KDM1B: variants seen among roughly 807,000 people sequenced by gnomAD.
KDM1B encodes lysine demethylase 1B.
In KDM1B, 63 loss-of-function variants were observed where a neutral mutation model predicts 107.4. The ratio of observed to expected loss-of-function variants is 0.59; its 90% CI spans 0.48 to 0.72. KDM1B has a LOEUF of 0.72. Among genes scored for constraint, KDM1B ranks in the 30% least tolerant of loss-of-function variants. The pLI, the probability that KDM1B is intolerant of heterozygous loss-of-function variation, is 0.00. For synonymous variants in KDM1B, 363 were observed against 363.9 expected (o/e 1.00, Z 0.03); for missense variants, 749 against 1,020.8 (o/e 0.73, Z 3.63).
intron 10 of KDM1B, among the ~76,000 whole-genome samples, chr6:18,195,144 A>C (rs1787556677): frequency 6.6e-6 from 1 of 152,202 alleles, no homozygotes; most frequent in African/African-American, 2.4e-5. Flanking sequence ...TAGCTGAATA[A>C]TATTTCATTG....
At position 18,212,416 on chromosome 6, in the gene KDM1B, G is replaced by A. The variant is rs988430001; in HGVS notation, c.1867-72G>A. ...TCTTGCCAGTATAACAGCATGGGTT[G>A]TTGATACCAGTGTAGTGGTAGTGTG... On this transcript the variant is annotated intron_variant, in intron 17 of 21. Transcript: ENST00000650836. The surrounding 1 kb of genome is among the most constrained non-coding windows in gnomAD (Gnocchi z 5.2). 5 of 902,096 alleles carry A rather than the reference G, an allele frequency of 5.5e-6. No homozygotes were observed. The Admixed American group carries it at 8.5e-5, about 15-fold the overall frequency. The allele number at this position is 902,096 out of a possible 1,614,324, so 55.9% of individuals were successfully genotyped here.
Position 18,222,007 on chromosome 6 carries a change from C to T in KDM1B, c.*15C>T. ...CAGCATTTTAAGAATTCGGTGGACCCAGCTTTCTTCTGTACCCCAGATGGG... is the reference window on the plus strand; with the variant it reads ...CAGCATTTTAAGAATTCGGTGGACCTAGCTTTCTTCTGTACCCCAGATGGG... On this transcript the variant is annotated 3_prime_UTR_variant, in exon 22 of 22. Coordinates refer to ENST00000650836, the MANE Select transcript of KDM1B (RefSeq NM_001364614.2). The T allele has an allele frequency of 6.2e-7, 1 of 1,611,826 alleles. No homozygotes were observed.
intron 7 of KDM1B, among the ~76,000 whole-genome samples, chr6:18,184,736 C>CTTTTTTTTTTTTTTTTTTTT (rs58897300): frequency 9.2e-5 from 6 of 65,466 alleles, no homozygotes; most frequent in Non-Finnish European, 1.4e-4. Flanking sequence ...AGCTTTTTTC[C>CTTTTTTTTTTTTTTTTTTTT]TTTTTTTTTT....
intron 7 of KDM1B, among the ~76,000 whole-genome samples, chr6:18,173,013 C>T (rs1466280610): frequency 1.3e-5 from 2 of 151,478 alleles, no homozygotes; most frequent in African/African-American, 2.4e-5. Context: ...TCACTTGAAC[C>T]CGGGAGGTGG....
intron 4 of KDM1B, among the ~76,000 whole-genome samples, chr6:18,161,672 T>C (rs1242665361): frequency 6.6e-6 from 1 of 152,108 alleles, no homozygotes; most frequent in Admixed American, 6.6e-5. Context: ...CACACCCATG[T>C]CAATTTTGCA....
At chr6:18,166,592 C>G (rs951047101) in intron 6 of KDM1B, among the ~76,000 whole-genome samples, 1 of 152,142 alleles carries the variant, frequency 6.6e-6, no homozygotes, top group Admixed American at 6.6e-5. Context: ...TACTTGTAAT[C>G]CTAGCCCTTT....
chr6:18,217,169 G>C (rs189551986), intron 20 of KDM1B, among the ~76,000 whole-genome samples: 3 of 152,110 alleles, frequency 2.0e-5, no homozygotes, highest in Non-Finnish European at 4.4e-5. Context: ...AGTGTGTCCC[G>C]GGCAGAAGGA....
At chr6:18,215,350 CTT>C (rs1276369424) in intron 20 of KDM1B, among the ~76,000 whole-genome samples, 1 of 152,240 alleles carries the variant, frequency 6.6e-6, no homozygotes, top group Non-Finnish European at 1.5e-5. Flanking sequence ...ACAACAGAAA[CTT>C]ATTCCTCACA....
chr6:18,161,765 A>G lies in KDM1B; in HGVS notation c.215+311A>G, dbSNP rs530409324. Among the ~76,000 whole-genome samples, 328 of 152,222 alleles carry G rather than the reference A, an allele frequency of 2.2e-3. 1 individual carries two copies. Among genetic ancestry groups the G allele is most frequent in the Non-Finnish European group, 4.0e-3 (273 of 68,010 alleles). Reference sequence around the variant, plus strand: ...ATGGTGTATGTCGTGGTGAGACAGTAGAGAGAACTCATGAGCTTTCTGTAG... The same window carrying G: ...ATGGTGTATGTCGTGGTGAGACAGTGGAGAGAACTCATGAGCTTTCTGTAG... On this transcript the variant is annotated intron_variant, in intron 4 of 21. Coordinates refer to ENST00000650836, the MANE Select transcript of KDM1B (RefSeq NM_001364614.2).
chr6:18,169,002 G>A (rs1373582133), intron 6 of KDM1B, among the ~76,000 whole-genome samples: 2 of 152,054 alleles, frequency 1.3e-5, no homozygotes, highest in Admixed American at 1.3e-4. Flanking sequence ...CACCTGAGCA[G>A]CTGGGATTAT....
chr6:18,217,137 T>C (rs1324827329), intron 20 of KDM1B, among the ~76,000 whole-genome samples: 1 of 151,958 alleles, frequency 6.6e-6, no homozygotes, highest in Non-Finnish European at 1.5e-5. Context: ...TAGCCATGGG[T>C]GATAGCCCCC....
At chr6:18,157,722 A>G (rs1381840008) in intron 2 of KDM1B, among the ~76,000 whole-genome samples, 2 of 151,502 alleles carry the variant, frequency 1.3e-5, no homozygotes, top group East Asian at 1.9e-4. Flanking sequence ...ATATGTGTCT[A>G]TGAAGAGATT....
chr6:18,177,954 A>G (rs551623692), intron 7 of KDM1B, among the ~76,000 whole-genome samples: 1 of 152,220 alleles, frequency 6.6e-6, no homozygotes, highest in Admixed American at 6.5e-5. Context: ...ATCTGTCTCC[A>G]TCTTTTTGAG....
In KDM1B at chr6:18,205,907, G is replaced by A. The variant is rs949515682; in HGVS notation, c.1659+243G>A. Among the ~76,000 whole-genome samples the A allele has an allele frequency of 1.3e-5, 2 of 152,116 alleles. No individual in the cohort carries two copies. Among genetic ancestry groups the A allele is most frequent in the African/African-American group, 2.4e-5 (1 of 41,428 alleles). Reference sequence around the variant, plus strand: ...CTCGGGAGGCTGAGGCAGGGGAATCGCTTGAACCTGGGAGGCGGAAGTCGT... The same window carrying A: ...CTCGGGAGGCTGAGGCAGGGGAATCACTTGAACCTGGGAGGCGGAAGTCGT... On this transcript the variant is annotated intron_variant, in intron 15 of 21. Transcript: ENST00000650836. This position sits in a 1 kb window ranked among gnomAD's most constrained non-coding sequence, Gnocchi z 5.7.
chr6:18,202,501 AT>A (rs1788106356), intron 14 of KDM1B, among the ~76,000 whole-genome samples: 1 of 152,192 alleles, frequency 6.6e-6, no homozygotes, highest in African/African-American at 2.4e-5. Flanking sequence ...ATAGTGGCTC[AT>A]TTTCACGAGG....
intron 5 of KDM1B, among the ~76,000 whole-genome samples, chr6:18,164,370 TGCC>T (rs1785156923): frequency 6.6e-6 from 1 of 152,126 alleles, no homozygotes; most frequent in Non-Finnish European, 1.5e-5. Context: ...TTGGGTGATC[TGCC>T]TGCCTCAGCC....
chr6:18,194,260 C>CTGAGG (rs1222616687), intron 10 of KDM1B, among the ~76,000 whole-genome samples: 5 of 152,170 alleles, frequency 3.3e-5, no homozygotes, highest in African/African-American at 1.2e-4. Context: ...GGTGATCCAC[C>CTGAGG]CGCCTTGGCC....
chr6:18,177,241 G>T (rs537168377), intron 7 of KDM1B, among the ~76,000 whole-genome samples: 1 of 152,192 alleles, frequency 6.6e-6, no homozygotes, highest in South Asian at 2.1e-4. Context: ...AGGTTTTCTA[G>T]ATTATGTGCG....
In KDM1B at chr6:18,214,935, CAA is replaced by C; in HGVS notation, c.2110-65_2110-64del. 1 of 1,475,864 alleles carries C rather than the reference CAA, an allele frequency of 6.8e-7. No homozygotes were observed. The highest frequency in any genetic ancestry group is 2.3e-5 in the East Asian group (1 of 42,916). The allele number at this position is 1,475,864 out of a possible 1,614,324, so 91.4% of individuals were successfully genotyped here. A position where few individuals can be genotyped will look rare whatever the true frequency, so the allele number is the denominator to read the frequency against. ...ATTTAAAACAAAACAAAACAAAAAA[CAA>C]AAAAAAGAGGCCCTTATCTGTGGGA... On this transcript the variant is annotated intron_variant, in intron 19 of 21. Transcript: ENST00000650836. This position sits in a 1 kb window ranked among gnomAD's most constrained non-coding sequence, Gnocchi z 4.4.
Sources: gnomAD v4.1 joint callset for allele counts (sites outside exome capture counted in the v4.1 genomes callset) on GRCh38, gnomAD v4.1.1 for gene constraint, Gnocchi (gnomAD v3.1) non-coding constraint, MANE v1.5 for transcripts, NCBI Gene and HGNC (gene_info 2026-07-23, HGNC 2026-07-21) for gene names.